EP300: variants seen among roughly 807,000 people sequenced by gnomAD.
EP300 encodes histone acetyltransferase p300.
In EP300, 31 loss-of-function variants were observed where a neutral mutation model predicts 264.0. That is an observed-to-expected ratio of 0.12 (90% CI 0.09 to 0.16). The LOEUF is 0.16. Ranked by LOEUF, EP300 falls within the 10% of genes least tolerant of loss-of-function variation. The pLI, the probability that EP300 is intolerant of heterozygous loss-of-function variation, is 1.00. For synonymous variants in EP300, 1,340 were observed against 1,045.4 expected (o/e 1.28, Z -5.44); for missense variants, 2,766 against 3,052.9 (o/e 0.91, Z 2.21).
At chr22:41,121,527 CA>C (rs1178346504) in intron 2 of EP300, among the ~76,000 whole-genome samples, 2 of 151,946 alleles carry the variant, frequency 1.3e-5, no homozygotes, top group Non-Finnish European at 2.9e-5. Flanking sequence ...TCACAGTGAC[CA>C]AAAGTGTCAG....
In EP300 at chr22:41,178,078, G is replaced by A; in HGVS notation, c.6367G>A (p.Gly2123Arg). 6.2e-7 allele frequency: 1 copy of A among 1,614,064 alleles called. No homozygotes were observed. The highest frequency in any genetic ancestry group is 8.5e-7 in the Non-Finnish European group (1 of 1,179,986). The change falls in exon 31 of 31, where the codon GGG becomes AGG. Residue 2123 changes from glycine to arginine, a missense_variant. Transcript: ENST00000263253. The part of the protein sequence containing the change: ...LQPPTMPGQQ[G>R]VHSNPAMQNM... The stretch of plus-strand genomic sequence containing the variant: ...GCCACCTACCATGCCAGGTCAGCAG[G>A]GGGTCCACTCCAATCCAGCCATGCA...
rs1227739842 is a variant in EP300, at chr22:41,155,127, G to A, written c.3261+14G>A. ...TTAGGAATCCCTGTAAGTATTTGGT[G>A]GTACTTTTGATTTTATTTTTTAATT... On this transcript the variant is annotated intron_variant, in intron 17 of 30. Transcript: ENST00000263253. 13 of 1,545,656 alleles carry A rather than the reference G, an allele frequency of 8.4e-6. No individual in the cohort carries two copies. Among genetic ancestry groups the A allele is most frequent in the Admixed American group, 1.7e-5 (1 of 59,882 alleles).
In EP300 at chr22:41,161,462, A is replaced by C. The variant is rs1601627459; in HGVS notation, c.3671+740A>C. 2.0e-5 allele frequency among the ~76,000 whole-genome samples: 3 copies of C among 151,976 alleles called. No homozygotes were observed. In the East Asian group the frequency reaches 5.8e-4, roughly 29 times the overall value. ...GAAGCCCTGTCTCTACTAAAAATAC[A>C]AAAAATTAGCCGGGCATGGTGGTGG... is the stretch of plus-strand genomic sequence containing the variant. On this transcript the variant is annotated intron_variant, in intron 20 of 30. Coordinates refer to ENST00000263253, the MANE Select transcript of EP300 (RefSeq NM_001429.4).
At chr22:41,097,533 AAG>A (rs1192484342) in intron 1 of EP300, among the ~76,000 whole-genome samples, 5 of 152,222 alleles carry the variant, frequency 3.3e-5, no homozygotes, top group South Asian at 2.1e-4. Context: ...GAAAGAGAAA[AAG>A]AGTAGGAAGA....
At chr22:41,151,726 A>G in intron 14 of EP300, 107 bp from the exon 15 acceptor site, 1 of 1,150,874 alleles carries the variant, frequency 8.7e-7, no homozygotes, top group Non-Finnish European at 1.3e-6. Context: ...ATATAAGCCA[A>G]GAAATAGGTG....
intron 1 of EP300, among the ~76,000 whole-genome samples, chr22:41,107,096 G>A (rs1337745667): frequency 6.6e-6 from 1 of 151,876 alleles, no homozygotes. Context: ...TAGTAGCGAT[G>A]GGGTTTCACC....
chr22:41,113,461 A>G (rs1036713646), intron 1 of EP300, among the ~76,000 whole-genome samples: 4 of 151,844 alleles, frequency 2.6e-5, no homozygotes, highest in Non-Finnish European at 5.9e-5. Context: ...TATTAATACT[A>G]TTTTTCTAAT....
chr22:41,147,222 C>T (rs986890331), intron 11 of EP300, among the ~76,000 whole-genome samples: 2 of 151,374 alleles, frequency 1.3e-5, no homozygotes, highest in South Asian at 4.2e-4. Context: ...TGGAGAATCA[C>T]TTGAACCCAG....
chr22:41,158,294 A>G, intron 18 of EP300, 118 bp from the exon 19 acceptor site: 1 of 768,708 alleles, frequency 1.3e-6, no homozygotes, highest in Non-Finnish European at 2.3e-6. Context: ...TTAGCCCATC[A>G]TTATTAACAT....
At chr22:41,135,950 C>T in intron 7 of EP300, 44 bp downstream of exon 7, 1 of 1,375,698 alleles carries the variant, frequency 7.3e-7, no homozygotes, top group Non-Finnish European at 1.0e-6. Context: ...ATTACAAATA[C>T]TACTGGTTAA....
Position 41,173,803 on chromosome 22 carries a change from G to A in EP300, c.4779+19G>A, listed in dbSNP as rs2145772208. On this transcript the variant is annotated intron_variant, in intron 29 of 30. Transcript: ENST00000263253. ...TAAAGAGGTAAGATGCAGCCACCCA[G>A]AGTTGGGGAAAAACGGCAAGATTTC... 4 of 1,613,816 alleles carry A rather than the reference G, an allele frequency of 2.5e-6. No homozygotes were observed.
chr22:41,101,411 G>A (rs1280206561), intron 1 of EP300, among the ~76,000 whole-genome samples: 1 of 149,154 alleles, frequency 6.7e-6, no homozygotes. Context: ...TTCTTACATG[G>A]ATCTTTTTTT....
At chr22:41,114,824 G>GAAA (rs11387442) in intron 1 of EP300, among the ~76,000 whole-genome samples, 1 of 147,904 alleles carries the variant, frequency 6.8e-6, no homozygotes, top group Admixed American at 6.7e-5. Context: ...GGATTGGGAA[G>GAAA]AAAAAAAAAA....
chr22:41,106,459 T>C (rs942361162), intron 1 of EP300, among the ~76,000 whole-genome samples: 8 of 152,190 alleles, frequency 5.3e-5, no homozygotes, highest in African/African-American at 1.9e-4. Flanking sequence ...TCACTCACTT[T>C]GTTCTCCCCA....
intron 1 of EP300, among the ~76,000 whole-genome samples, chr22:41,102,029 C>CTTTTTTTTTTTTTTTTTTTTTTTTTTTT (rs5845488): frequency 8.4e-6 from 1 of 119,246 alleles, no homozygotes; most frequent in Admixed American, 8.8e-5. Flanking sequence ...TTTTTCTTTT[C>CTTTTTTTTTTTTTTTTTTTTTTTTTTTT]TTTTTTTTTT....
chr22:41,147,822 T>G lies in EP300; in HGVS notation c.2132-15T>G, dbSNP rs750449132. ...ACAAAGGCATTCAGATCTAACATTT[T>G]GCTCATATTCACAGGTTTGAATCAA... On this transcript the variant is annotated splice_polypyrimidine_tract_variant and intron_variant, in intron 11 of 30. Transcript: ENST00000263253. The G allele has an allele frequency of 6.4e-7, 1 of 1,551,408 alleles. No individual in the cohort carries two copies. Among genetic ancestry groups the G allele is most frequent in the Non-Finnish European group, 8.9e-7 (1 of 1,122,804 alleles).
At chr22:41,102,227 T>A (rs2058735963) in intron 1 of EP300, among the ~76,000 whole-genome samples, 2 of 152,100 alleles carry the variant, frequency 1.3e-5, no homozygotes, top group South Asian at 4.1e-4. Flanking sequence ...TTCCTGGAGT[T>A]TATAGATAAG....
intron 1 of EP300, among the ~76,000 whole-genome samples, chr22:41,105,694 G>T (rs1369130398): frequency 6.6e-6 from 1 of 152,128 alleles, no homozygotes; most frequent in African/African-American, 2.4e-5. Flanking sequence ...ACCACCCCTG[G>T]CGTGTTGGGG....
Position 41,117,292 on chromosome 22 carries a change from G to C in EP300, c.200G>C (p.Ser67Thr). Residue 67 changes from serine to threonine, a missense_variant, in exon 2 of 31, where the codon AGT becomes ACT. Ser to Thr is a moderately conservative substitution (Grantham distance 58, BLOSUM62 1). Coordinates refer to ENST00000263253, the MANE Select transcript of EP300 (RefSeq NM_001429.4). The stretch of plus-strand genomic sequence containing the variant: ...GGTGATATTAATCAGCTTCAGACAA[G>C]TCTTGGCATGGTACAAGATGCAGCT... ...NGGDINQLQT[S>T]LGMVQDAASK... 1 of 1,614,172 alleles carries C rather than the reference G, an allele frequency of 6.2e-7. No homozygotes were observed. The highest frequency in any genetic ancestry group is 8.5e-7 in the Non-Finnish European group (1 of 1,180,034).
Sources: gnomAD v4.1 joint callset for allele counts (sites outside exome capture counted in the v4.1 genomes callset) on GRCh38, gnomAD v4.1.1 for gene constraint, MANE v1.5 for transcripts, NCBI Gene and HGNC (gene_info 2026-07-23, HGNC 2026-07-21) for gene names.